The following ALDH1A2 variants were observed in gnomAD, a reference collection of about 807,000 sequenced individuals.
ALDH1A2 encodes the protein aldehyde dehydrogenase 1 family member A2.
In ALDH1A2, 27 loss-of-function variants were observed where a neutral mutation model predicts 60.3. The ratio of observed to expected loss-of-function variants is 0.45; its 90% confidence interval spans 0.33 to 0.62. The LOEUF is 0.62. Ranked by LOEUF, ALDH1A2 falls within the 20% of genes least tolerant of loss-of-function variation. The probability of loss-of-function intolerance (pLI) is 0.02; values close to 1 mark genes in which losing one functional copy is unlikely to be tolerated. For missense variants in ALDH1A2, 581 were observed against 643.8 expected, an observed-to-expected ratio of 0.90 and a Z score of 1.06; for synonymous variants, 289 against 232.4, an observed-to-expected ratio of 1.24 and a Z score of -2.21.
intron 3 of ALDH1A2, among the ~76,000 whole-genome samples, chr15:58,011,377 A>G (rs1595665552): frequency 6.6e-6 from 1 of 152,204 alleles, no homozygotes; most frequent in Non-Finnish European, 1.5e-5. Context: ...AGAGTGAAAT[A>G]TCTGCTCCAT....
At chr15:58,005,436 T>TA (rs1319157665) in intron 4 of ALDH1A2, among the ~76,000 whole-genome samples, 21 of 151,926 alleles carry the variant, frequency 1.4e-4, no homozygotes, top group South Asian at 2.1e-4. Context: ...TAGCAGATGC[T>TA]AAAAAAAATC....
At chr15:58,038,791 C>T (rs1225400518) in intron 1 of ALDH1A2, among the ~76,000 whole-genome samples, 1 of 151,778 alleles carries the variant, frequency 6.6e-6, no homozygotes, top group East Asian at 1.9e-4. Context: ...TCCTGTTCCA[C>T]TTTCTATAAA....
At chr15:58,038,073 T>C (rs564421182) in intron 1 of ALDH1A2, among the ~76,000 whole-genome samples, 9 of 151,652 alleles carry the variant, frequency 5.9e-5, no homozygotes, top group Admixed American at 4.6e-4. Context: ...TCATGGGATA[T>C]GTCTCTTAAG....
chr15:57,995,180 T>C (rs1595651213), intron 4 of ALDH1A2, 41 bp from the exon 5 acceptor site: 1 of 1,243,086 alleles, frequency 8.0e-7, no homozygotes, highest in Non-Finnish European at 1.1e-6. Flanking sequence ...AAGTTTAGAT[T>C]AGGAAAAAAA....
At chr15:57,984,352 AATTG>A (rs1364543203) in intron 7 of ALDH1A2, among the ~76,000 whole-genome samples, 1 of 152,228 alleles carries the variant, frequency 6.6e-6, no homozygotes, top group Non-Finnish European at 1.5e-5. Context: ...TTGTAAAATT[AATTG>A]ATTTTTCACA....
chr15:57,988,250 CAT>C (rs1491437395), intron 7 of ALDH1A2, among the ~76,000 whole-genome samples: 19 of 152,226 alleles, frequency 1.2e-4, no homozygotes, highest in Admixed American at 3.3e-4. Context: ...TATGAAGTAA[CAT>C]AAAGTATTTA....
intron 1 of ALDH1A2, among the ~76,000 whole-genome samples, chr15:58,041,612 A>C (rs1164480098): frequency 6.6e-6 from 1 of 151,940 alleles, no homozygotes; most frequent in Non-Finnish European, 1.5e-5. Flanking sequence ...AGAATGGACA[A>C]GCTAGCTCTC....
chr15:57,954,981 T>C lies in ALDH1A2; in HGVS notation c.*216A>G, dbSNP rs1456934052. On this transcript the variant is annotated 3_prime_UTR_variant, in exon 13 of 13. Coordinates refer to ENST00000249750, the MANE Select transcript of ALDH1A2 (RefSeq NM_003888.4). ...TCCCTTTATCCCACTTTCCCCAATA[T>C]TTGGTATGATTAAGGTGGCCCCTTA... The C allele has an allele frequency of 1.3e-5, 8 of 608,348 alleles. No individual in the cohort carries two copies. Among genetic ancestry groups the C allele is most frequent in the Non-Finnish European group, 2.4e-5 (8 of 339,700 alleles). 37.7% of individuals were successfully genotyped at this position (608,348 alleles called of 1,614,324 possible).
intron 7 of ALDH1A2, among the ~76,000 whole-genome samples, chr15:57,982,752 T>C (rs1453669819): frequency 6.6e-6 from 1 of 152,214 alleles, no homozygotes; most frequent in Non-Finnish European, 1.5e-5. Flanking sequence ...TAATCTGAAG[T>C]GTAAAAAGAT....
chr15:57,955,204 T>A lies in ALDH1A2; in HGVS notation c.1550A>T (p.Asn517Ile). 1 of 1,614,004 alleles carries A rather than the reference T, an allele frequency of 6.2e-7. No individual in the cohort carries two copies. The change falls in exon 13 of 13, where the codon AAC becomes ATC. Residue 517 changes from asparagine (N) to isoleucine (I), a missense_variant. Physicochemically the swap from Asn to Ile is moderately radical, Grantham distance 149. Coordinates refer to ENST00000249750, the MANE Select transcript of ALDH1A2 (RefSeq NM_003888.4). ...KTVTVKIPQK[N>I]S ...TCCTCCTTCTTGGCCTTCTTAGGAG[T>A]TCTTCTGGGGGATCTTTACTGTCAC... is the stretch of plus-strand genomic sequence containing the variant.
intron 1 of ALDH1A2, among the ~76,000 whole-genome samples, chr15:58,019,161 A>T (rs564552133): frequency 3.9e-5 from 6 of 152,282 alleles, no homozygotes; most frequent in Middle Eastern, 6.8e-3. Context: ...AAGCAAAAAA[A>T]AAAGTTTAAA....
rs1894311883 is a variant in ALDH1A2 at position 57,977,713 on chromosome 15, A to C, written c.799-11886T>G. On this transcript the variant is annotated intron_variant, in intron 7 of 12. Transcript: ENST00000249750. Reference sequence around the variant, plus strand: ...GCTATACAGGGTCTTTTTTGATTCCATATGAAATTTAAAGTCGTTTTTTCT... The same window carrying C: ...GCTATACAGGGTCTTTTTTGATTCCCTATGAAATTTAAAGTCGTTTTTTCT... Among the ~76,000 whole-genome samples, 3 of 152,306 alleles carry C rather than the reference A, an allele frequency of 2.0e-5. No individual in the cohort carries two copies. In the South Asian group the frequency reaches 6.2e-4, roughly 32 times the overall value.
intron 4 of ALDH1A2, among the ~76,000 whole-genome samples, chr15:58,006,704 A>AAT (rs1895469883): frequency 3.8e-5 from 2 of 53,030 alleles, no homozygotes; most frequent in African/African-American, 7.9e-5. Flanking sequence ...TAAATTATGG[A>AAT]CTTTTTTTTT....
At chr15:58,061,508 CCTT>C (rs1198952595) in intron 1 of ALDH1A2, among the ~76,000 whole-genome samples, 1 of 149,458 alleles carries the variant, frequency 6.7e-6, no homozygotes, top group Non-Finnish European at 1.5e-5. Context: ...AAAGATAGCT[CCTT>C]CTTAAGAGGG....
intron 12 of ALDH1A2, among the ~76,000 whole-genome samples, chr15:57,959,165 C>A (rs184085758): frequency 1.3e-5 from 2 of 152,288 alleles, no homozygotes; most frequent in East Asian, 3.9e-4. Context: ...ATTTTATGCT[C>A]ATGATTCACC....
At chr15:57,976,930 T>C (rs1241618491) in intron 7 of ALDH1A2, among the ~76,000 whole-genome samples, 2 of 152,220 alleles carry the variant, frequency 1.3e-5, no homozygotes, top group African/African-American at 2.4e-5. Flanking sequence ...ATCTGTTGTT[T>C]CCTGACTTTT....
At chr15:58,029,011 G>T (rs998362697) in intron 1 of ALDH1A2, among the ~76,000 whole-genome samples, 7 of 152,120 alleles carry the variant, frequency 4.6e-5, no homozygotes, top group Admixed American at 1.3e-4. Flanking sequence ...GGTTAACAAG[G>T]ATATCCAGGA....
At chr15:57,968,668 ACAAG>A (rs568860461) in intron 7 of ALDH1A2, among the ~76,000 whole-genome samples, 7 of 152,358 alleles carry the variant, frequency 4.6e-5, no homozygotes, top group African/African-American at 1.7e-4. Context: ...TATTCAAGAA[ACAAG>A]CAAAAGCCAG....
intron 1 of ALDH1A2, among the ~76,000 whole-genome samples, chr15:58,045,763 T>C (rs1367384582): frequency 6.6e-6 from 1 of 151,836 alleles, no homozygotes; most frequent in East Asian, 1.9e-4. Context: ...GGGCTAAGTA[T>C]GGTACGTGTA....
Sources: gnomAD v4.1 joint callset for allele counts (sites outside exome capture counted in the v4.1 genomes callset) on GRCh38, gnomAD v4.1.1 for gene constraint, MANE v1.5 for transcripts, NCBI Gene and HGNC (gene_info 2026-07-23, HGNC 2026-07-21) for gene names.